DMD: variants seen among roughly 807,000 people sequenced by gnomAD.
DMD encodes mutant dystrophin.
A neutral mutation model predicts 330.1 loss-of-function variants in DMD; 63 were observed. The observed-to-expected ratio is 0.19, with a 90% CI of 0.16 to 0.24. DMD has a LOEUF of 0.24. Ranked by LOEUF, DMD falls within the 10% of genes least tolerant of loss-of-function variation. The pLI, the probability that DMD is intolerant of heterozygous loss-of-function variation, is 1.00. For synonymous variants in DMD, 1,223 were observed against 959.8 expected, an observed-to-expected ratio of 1.27 and a Z score of -5.07; for missense variants, 3,344 against 2,684.1, an observed-to-expected ratio of 1.25 and a Z score of -5.43.
At chrX:32,169,913 T>C (rs1231664005) in intron 44 of DMD, among the ~76,000 whole-genome samples, 2 of 110,750 alleles carry the variant, frequency 1.8e-5, no homozygotes, top group African/African-American at 3.3e-5. Context: ...ATAATGACAA[T>C]AAAGAAAAAA....
intron 7 of DMD, among the ~76,000 whole-genome samples, chrX:32,750,587 C>G (rs1056466594): frequency 2.7e-5 from 3 of 110,474 alleles, no homozygotes; most frequent in Non-Finnish European, 5.7e-5. Flanking sequence ...GAGCCAAACT[C>G]CTAGGCAGAT....
intron 62 of DMD, among the ~76,000 whole-genome samples, chrX:31,262,493 T>C (rs192662979): frequency 1.2e-3 from 133 of 112,665 alleles, no homozygotes; most frequent in Non-Finnish European, 9.2e-4. Context: ...ACCATCCCTG[T>C]AATATTTACT....
At chrX:33,295,890 T>C (rs763479926) in intron 1 of DMD, among the ~76,000 whole-genome samples, 69 of 111,623 alleles carry the variant, frequency 6.2e-4, no homozygotes, top group African/African-American at 2.1e-3. Context: ...ATTACACAAA[T>C]GGACACAGAA....
intron 25 of DMD, among the ~76,000 whole-genome samples, chrX:32,460,757 C>T (rs1409610144): frequency 9.0e-6 from 1 of 111,638 alleles, no homozygotes; most frequent in Non-Finnish European, 1.9e-5. Flanking sequence ...AAACACTCTA[C>T]TGACTACCCA....
chrX:32,438,531 A>C, intron 28 of DMD, 141 bp from the exon 29 acceptor site: 3 of 697,728 alleles, frequency 4.3e-6, no homozygotes, highest in Non-Finnish European at 6.5e-6. Flanking sequence ...GATTAAAAAC[A>C]CCAAGGAGCA....
chrX:32,475,263 T>C (rs751242449), intron 21 of DMD, among the ~76,000 whole-genome samples: 31 of 111,900 alleles, frequency 2.8e-4, no homozygotes, highest in Middle Eastern at 4.6e-3. Context: ...TATGGCCTTA[T>C]AGTATAGTTT....
intron 12 of DMD, among the ~76,000 whole-genome samples, 168 bp from the exon 13 acceptor site, chrX:32,596,044 A>C (rs1409178661): frequency 8.9e-6 from 1 of 112,059 alleles, no homozygotes. Flanking sequence ...GCTCAGCAAA[A>C]TTTATATGTT....
At chrX:32,889,722 G>T (rs188892309) in intron 2 of DMD, among the ~76,000 whole-genome samples, 5 of 110,364 alleles carry the variant, frequency 4.5e-5, no homozygotes, top group Admixed American at 9.6e-5. Context: ...GCAAAACATC[G>T]CTCCTAACTC....
chrX:32,068,386 T>A (rs1254650971), intron 44 of DMD, among the ~76,000 whole-genome samples: 4 of 106,154 alleles, frequency 3.8e-5, no homozygotes, highest in African/African-American at 1.4e-4. Flanking sequence ...TTTTTTTTTT[T>A]TTTTTTTTTT....
chrX:32,030,879 A>G lies in DMD; in HGVS notation c.6439-62365T>C, dbSNP rs1411116489. On this transcript the variant is annotated intron_variant, in intron 44 of 78. Coordinates refer to ENST00000357033, the MANE Select transcript of DMD (RefSeq NM_004006.3). ...AGGTTAAATTACTTAGATAGTCACA[A>G]GTTAGCTAGTGGAAGAGCTAGAATT... Among the ~76,000 whole-genome samples, 3 of 111,810 alleles carry G rather than the reference A, an allele frequency of 2.7e-5. No homozygotes were observed. In the East Asian group the frequency reaches 8.5e-4, roughly 32 times the overall value.
intron 1 of DMD, among the ~76,000 whole-genome samples, chrX:33,323,570 T>A (rs1234800325): frequency 9.0e-6 from 1 of 111,728 alleles, no homozygotes; most frequent in Non-Finnish European, 1.9e-5. Flanking sequence ...CTTCAATTCT[T>A]CTTTTCTTTG....
chrX:32,104,736 G>T, intron 44 of DMD, among the ~76,000 whole-genome samples: 1 of 111,611 alleles, frequency 9.0e-6, no homozygotes. Flanking sequence ...AGACACTTGC[G>T]CCTATGTTAA....
intron 62 of DMD, among the ~76,000 whole-genome samples, chrX:31,276,533 T>G (rs933307959): frequency 8.9e-6 from 1 of 112,106 alleles, no homozygotes; most frequent in Non-Finnish European, 1.9e-5. Context: ...GAAAACTGTT[T>G]GGAAGAATGT....
intron 30 of DMD, among the ~76,000 whole-genome samples, chrX:32,401,646 T>G (rs1422347429): frequency 9.0e-6 from 1 of 111,597 alleles, no homozygotes; most frequent in Non-Finnish European, 1.9e-5. Context: ...GACCTAGTAT[T>G]TGCTAGAACA....
At chrX:33,207,028 T>C (rs1158388682) in intron 1 of DMD, among the ~76,000 whole-genome samples, 1 of 110,432 alleles carries the variant, frequency 9.1e-6, no homozygotes, top group African/African-American at 3.3e-5. Context: ...TCCAACCCTC[T>C]ACCCTCCGAA....
chrX:31,581,143 T>C (rs953395413), intron 55 of DMD, among the ~76,000 whole-genome samples: 5 of 111,956 alleles, frequency 4.5e-5, no homozygotes, highest in African/African-American at 1.6e-4. Flanking sequence ...TGGGACTTTA[T>C]GGGAAGCTGC....
chrX:32,062,005 A>G (rs1335291285), intron 44 of DMD, among the ~76,000 whole-genome samples: 2 of 111,209 alleles, frequency 1.8e-5, no homozygotes, highest in Admixed American at 9.6e-5. Context: ...ACGGAATAAT[A>G]TAGATCAATG....
At chrX:31,494,092 G>C (rs1230238445) in intron 57 of DMD, among the ~76,000 whole-genome samples, 26 of 104,878 alleles carry the variant, frequency 2.5e-4, no homozygotes, top group Middle Eastern at 5.0e-3. Flanking sequence ...GGAGGCGGAG[G>C]TTGCAGTGAG....
At chrX:31,127,955 G>A (rs897384528) in intron 77 of DMD, among the ~76,000 whole-genome samples, 1 of 110,320 alleles carries the variant, frequency 9.1e-6, no homozygotes, top group Non-Finnish European at 1.9e-5. Context: ...GCTTGACCAC[G>A]TAAGGGCCAG....
Sources: allele counts gnomAD v4.1 joint callset (sites outside exome capture counted in the v4.1 genomes callset), GRCh38; gene constraint gnomAD v4.1.1; transcripts MANE v1.5; gene names NCBI Gene and HGNC (gene_info 2026-07-23, HGNC 2026-07-21).